NPAS3: variants seen among roughly 807,000 people sequenced by gnomAD.
The protein encoded by NPAS3 is neuronal PAS domain-containing protein 3.
NPAS3 carries 14 observed loss-of-function variants against 73.1 expected under a neutral mutation model. The ratio of observed to expected loss-of-function variants is 0.19; its 90% CI spans 0.13 to 0.30. The LOEUF (loss-of-function observed/expected upper bound fraction) is 0.30. NPAS3 is among the 10% of genes least tolerant of loss of function. The pLI, the probability that NPAS3 is intolerant of heterozygous loss-of-function variation, is 1.00. For missense variants in NPAS3, 1,096 were observed against 1,250.0 expected (o/e 0.88, Z 1.86); for synonymous variants, 620 against 541.5 (o/e 1.14, Z -2.01).
chr14:33,068,650 G>T (rs1164684879), intron 2 of NPAS3, among the ~76,000 whole-genome samples: 3 of 152,158 alleles, frequency 2.0e-5, no homozygotes, highest in African/African-American at 7.2e-5. Context: ...CAAAAATACA[G>T]AAGGTTAAGA....
intron 2 of NPAS3, among the ~76,000 whole-genome samples, chr14:33,187,182 C>G (rs1006416487): frequency 3.3e-5 from 5 of 152,192 alleles, no homozygotes; most frequent in African/African-American, 4.8e-5. Context: ...TCAGAATGGT[C>G]TGTAAGGCCT....
At chr14:33,381,425 A>G (rs2046548460) in intron 4 of NPAS3, among the ~76,000 whole-genome samples, 1 of 152,238 alleles carries the variant, frequency 6.6e-6, no homozygotes, top group Non-Finnish European at 1.5e-5. Context: ...TGTGGATCAA[A>G]CTATTTTCAA....
At chr14:33,430,822 C>T (rs2048754292) in intron 4 of NPAS3, among the ~76,000 whole-genome samples, 2 of 152,130 alleles carry the variant, frequency 1.3e-5, no homozygotes, top group Admixed American at 1.3e-4. Flanking sequence ...CGTGTGCAAA[C>T]AAAACATCAC....
At chr14:33,787,317 C>T (rs961367275) in intron 9 of NPAS3, among the ~76,000 whole-genome samples, 7 of 152,120 alleles carry the variant, frequency 4.6e-5, no homozygotes, top group Non-Finnish European at 8.8e-5. Flanking sequence ...AACAAATTGA[C>T]GCATTCTAAA....
At chr14:33,199,044 C>CG (rs1566667943) in intron 2 of NPAS3, among the ~76,000 whole-genome samples, 2 of 152,160 alleles carry the variant, frequency 1.3e-5, no homozygotes, top group African/African-American at 4.8e-5. Flanking sequence ...GTGTGGGGCC[C>CG]GCCGAGCCCA....
At chr14:32,992,098 A>C (rs2038358271) in intron 1 of NPAS3, among the ~76,000 whole-genome samples, 1 of 152,220 alleles carries the variant, frequency 6.6e-6, no homozygotes, top group African/African-American at 2.4e-5. Context: ...TGGAGGAATC[A>C]AACTGTGATG....
chr14:33,224,688 A>G (rs1229731744), intron 3 of NPAS3, among the ~76,000 whole-genome samples: 1 of 152,098 alleles, frequency 6.6e-6, no homozygotes, highest in Non-Finnish European at 1.5e-5. Context: ...TACGATTGGA[A>G]TCCCTTTTCC....
At chr14:33,768,297 A>G (rs1334369715) in intron 7 of NPAS3, among the ~76,000 whole-genome samples, 1 of 152,208 alleles carries the variant, frequency 6.6e-6, no homozygotes, top group South Asian at 2.1e-4. Flanking sequence ...TCGAGCTCTT[A>G]TGTAACACTG....
intron 2 of NPAS3, among the ~76,000 whole-genome samples, chr14:33,195,302 G>T (rs1286396394): frequency 6.6e-6 from 1 of 150,890 alleles, no homozygotes; most frequent in Non-Finnish European, 1.5e-5. Flanking sequence ...ATTGAGTCTT[G>T]CTCTGTCACC....
chr14:33,549,713 C>T (rs574874954), intron 4 of NPAS3, among the ~76,000 whole-genome samples: 16 of 152,226 alleles, frequency 1.1e-4, no homozygotes, highest in African/African-American at 2.2e-4. Context: ...AATATATCTG[C>T]GTTTACCTTC....
intron 2 of NPAS3, among the ~76,000 whole-genome samples, chr14:33,101,812 C>T (rs954461865): frequency 1.3e-5 from 2 of 152,152 alleles, no homozygotes; most frequent in Non-Finnish European, 1.5e-5. Context: ...AGATCCAGCA[C>T]TCACCACGGC....
At chr14:33,615,956 G>C (rs763831002) in intron 5 of NPAS3, among the ~76,000 whole-genome samples, 4 of 152,136 alleles carry the variant, frequency 2.6e-5, no homozygotes, top group Non-Finnish European at 5.9e-5. Flanking sequence ...TTGCTCTCAG[G>C]AGCACCAGTT....
chr14:33,349,963 G>A (rs2044953971), intron 3 of NPAS3, among the ~76,000 whole-genome samples: 1 of 152,220 alleles, frequency 6.6e-6, no homozygotes, highest in African/African-American at 2.4e-5. Flanking sequence ...CGCGTCCTCT[G>A]GCACATCACT....
intron 4 of NPAS3, among the ~76,000 whole-genome samples, chr14:33,548,639 A>T (rs1227973625): frequency 6.6e-6 from 1 of 152,224 alleles, no homozygotes; most frequent in Admixed American, 6.5e-5. Context: ...GCGATTACTC[A>T]GGTGTGTTAG....
chr14:33,051,996 T>C (rs907698044), intron 1 of NPAS3, among the ~76,000 whole-genome samples: 1 of 152,178 alleles, frequency 6.6e-6, no homozygotes, highest in African/African-American at 2.4e-5. Flanking sequence ...CCTGACCTCA[T>C]GATCCACCCA....
chr14:33,460,435 A>G (rs2050209584), intron 4 of NPAS3, among the ~76,000 whole-genome samples: 1 of 152,218 alleles, frequency 6.6e-6, no homozygotes, highest in South Asian at 2.1e-4. Context: ...TTTTCTAAAT[A>G]TGGTAACTAG....
intron 6 of NPAS3, among the ~76,000 whole-genome samples, chr14:33,706,196 T>C (rs1312495120): frequency 1.3e-5 from 2 of 152,144 alleles, no homozygotes; most frequent in Non-Finnish European, 2.9e-5. Flanking sequence ...TACATCAAAA[T>C]ATGAGCTAGT....
At position 33,800,407 on chromosome 14, in the gene NPAS3, G is replaced by A; in HGVS notation, c.2100G>A (p.Gly700=). Reference sequence around the variant, plus strand: ...CGTCCCCGCAGGGCGGCGGCGGTGGGGGTGGCGGTGGCGGGGGGCTGCACG... The same window carrying A: ...CGTCCCCGCAGGGCGGCGGCGGTGGAGGTGGCGGTGGCGGGGGGCTGCACG... Residue 700 remains glycine (G), a synonymous_variant, in exon 12 of 12, where the codon GGG becomes GGA. Coordinates refer to ENST00000356141, the Ensembl canonical transcript of NPAS3. This position sits in a 1 kb window ranked among gnomAD's most constrained non-coding sequence, Gnocchi z 6.5. 1 of 1,601,264 alleles carries A rather than the reference G, an allele frequency of 6.2e-7. No homozygotes were observed. The highest frequency in any genetic ancestry group is 1.7e-4 in the Middle Eastern group (1 of 5,788).
At chr14:33,355,897 G>A (rs1316518998) in intron 3 of NPAS3, among the ~76,000 whole-genome samples, 1 of 152,136 alleles carries the variant, frequency 6.6e-6, no homozygotes, top group African/African-American at 2.4e-5. Flanking sequence ...GTGGAGATGT[G>A]CATGTGTTGT....
Sources: allele counts gnomAD v4.1 joint callset (sites outside exome capture counted in the v4.1 genomes callset), GRCh38; gene constraint gnomAD v4.1.1; non-coding constraint Gnocchi (gnomAD v3.1); transcripts MANE v1.5; gene names NCBI Gene and HGNC (gene_info 2026-07-23, HGNC 2026-07-21).